DPP10: variants seen among roughly 807,000 people sequenced by gnomAD.
DPP10 encodes dipeptidyl peptidase like 10.
DPP10 carries 33 observed loss-of-function variants against 120.9 expected under a neutral mutation model. That is an observed-to-expected ratio of 0.27 (90% confidence interval 0.21 to 0.37). DPP10 has a LOEUF of 0.37. Ranked by LOEUF, DPP10 falls within the 10% of genes least tolerant of loss-of-function variation. The pLI, the probability that DPP10 is intolerant of heterozygous loss-of-function variation, is 1.00. For synonymous variants in DPP10, 337 were observed against 326.1 expected, an observed-to-expected ratio of 1.03 and a Z score of -0.36; for missense variants, 816 against 942.8, an observed-to-expected ratio of 0.87 and a Z score of 1.76.
At chr2:115,295,969 T>C (rs947857242) in intron 1 of DPP10, among the ~76,000 whole-genome samples, 1 of 152,146 alleles carries the variant, frequency 6.6e-6, no homozygotes, top group Non-Finnish European at 1.5e-5. Flanking sequence ...AATAAATAAA[T>C]GTGTGGAAAA....
At chr2:115,675,497 T>G (rs1330929433) in intron 5 of DPP10, among the ~76,000 whole-genome samples, 2 of 152,040 alleles carry the variant, frequency 1.3e-5, no homozygotes, top group Non-Finnish European at 2.9e-5. Flanking sequence ...AGCAAGGAAG[T>G]GATGAAGACC....
At chr2:114,523,899 G>A (rs1323888120) in intron 1 of DPP10, among the ~76,000 whole-genome samples, 1 of 152,154 alleles carries the variant, frequency 6.6e-6, no homozygotes, top group East Asian at 1.9e-4. Context: ...GGCAAGAACA[G>A]GAAGTGACAA....
chr2:115,067,911 G>GT (rs1307370837), intron 1 of DPP10, among the ~76,000 whole-genome samples: 2 of 143,296 alleles, frequency 1.4e-5, no homozygotes, highest in Non-Finnish European at 3.0e-5. Context: ...CTGTGTGGGT[G>GT]TGTGGGGGTG....
intron 1 of DPP10, among the ~76,000 whole-genome samples, chr2:114,817,292 A>C (rs1166063228): frequency 8.8e-6 from 1 of 113,914 alleles, no homozygotes; most frequent in Non-Finnish European, 1.8e-5. Flanking sequence ...GATATCAGCC[A>C]GTGTCCTGGC....
chr2:114,543,305 A>G (rs1687097579), intron 1 of DPP10, among the ~76,000 whole-genome samples: 1 of 152,190 alleles, frequency 6.6e-6, no homozygotes, highest in Middle Eastern at 3.2e-3. Context: ...TGCACATCTC[A>G]GCTCTCACCT....
At chr2:114,689,411 C>T (rs1383209315) in intron 1 of DPP10, among the ~76,000 whole-genome samples, 2 of 151,982 alleles carry the variant, frequency 1.3e-5, no homozygotes, top group African/African-American at 2.4e-5. Context: ...AGGACATGAT[C>T]TCATTCATTT....
chr2:115,295,203 A>C (rs2060831491), intron 1 of DPP10, among the ~76,000 whole-genome samples: 1 of 152,068 alleles, frequency 6.6e-6, no homozygotes, highest in Non-Finnish European at 1.5e-5. Context: ...TAATGAATGG[A>C]AACACTGACT....
At chr2:114,664,143 A>G (rs1012467851) in intron 1 of DPP10, among the ~76,000 whole-genome samples, 4 of 151,986 alleles carry the variant, frequency 2.6e-5, no homozygotes, top group African/African-American at 9.7e-5. Flanking sequence ...TCAATTATTC[A>G]TATTTTTGCA....
chr2:115,451,823 G>T (rs1008522580), intron 3 of DPP10, among the ~76,000 whole-genome samples: 5 of 151,914 alleles, frequency 3.3e-5, no homozygotes, highest in South Asian at 2.1e-4. Context: ...TAGAATAAAT[G>T]TAAGTTTTTT....
intron 1 of DPP10, among the ~76,000 whole-genome samples, chr2:114,781,940 T>A (rs1012801441): frequency 2.0e-5 from 3 of 152,278 alleles, no homozygotes; most frequent in Middle Eastern, 3.4e-3. Context: ...AAGGTGTTTT[T>A]TGTTTTTACA....
intron 1 of DPP10, among the ~76,000 whole-genome samples, chr2:115,288,586 T>C (rs2060502439): frequency 6.6e-6 from 1 of 151,210 alleles, no homozygotes; most frequent in Non-Finnish European, 1.5e-5. Flanking sequence ...CCAGGCCTGG[T>C]TGGGGGGGAG....
chr2:114,685,881 T>C (rs1405108070), intron 1 of DPP10, among the ~76,000 whole-genome samples: 2 of 151,988 alleles, frequency 1.3e-5, no homozygotes, highest in East Asian at 3.9e-4. Context: ...TCTAATGCAT[T>C]ATTCCCACAG....
chr2:114,448,165 G>T (rs753334627), intron 1 of DPP10, among the ~76,000 whole-genome samples: 9 of 151,972 alleles, frequency 5.9e-5, no homozygotes, highest in Non-Finnish European at 8.8e-5. Flanking sequence ...ACATTTTATA[G>T]CTTAGATCTT....
chr2:115,599,945 A>G (rs1179826317), intron 5 of DPP10, among the ~76,000 whole-genome samples: 1 of 152,018 alleles, frequency 6.6e-6, no homozygotes. Flanking sequence ...TCAACCAGGA[A>G]CTTACCTTGA....
At chr2:114,682,525 G>C (rs1256898109) in intron 1 of DPP10, among the ~76,000 whole-genome samples, 1 of 151,666 alleles carries the variant, frequency 6.6e-6, no homozygotes, top group Non-Finnish European at 1.5e-5. Context: ...CCCATAGCTA[G>C]AGATGTTGAC....
At chr2:114,518,024 T>C (rs1228801131) in intron 1 of DPP10, among the ~76,000 whole-genome samples, 1 of 152,092 alleles carries the variant, frequency 6.6e-6, no homozygotes, top group African/African-American at 2.4e-5. Context: ...TTTTCAAATT[T>C]GGTTTTAGGA....
intron 1 of DPP10, among the ~76,000 whole-genome samples, chr2:115,120,531 TA>T (rs1415255448): frequency 6.6e-6 from 1 of 152,148 alleles, no homozygotes; most frequent in African/African-American, 2.4e-5. Flanking sequence ...CTAGCATAGC[TA>T]GGGGGCATGC....
intron 19 of DPP10, among the ~76,000 whole-genome samples, chr2:115,793,981 G>A (rs557916500): frequency 6.6e-6 from 1 of 151,998 alleles, no homozygotes; most frequent in East Asian, 1.9e-4. Context: ...TGTTTTTTAA[G>A]AATTTTAAAA....
At position 114,521,676 on chromosome 2, in the gene DPP10, C is replaced by G. The variant is rs1685063532; in HGVS notation, c.60+78838C>G. Among the ~76,000 whole-genome samples, 2 of 152,062 alleles carry G rather than the reference C, an allele frequency of 1.3e-5. 1 individual carries two copies. Among genetic ancestry groups the G allele is most frequent in the South Asian group, 4.1e-4 (2 of 4,828 alleles). ...TTTAGGAAAATTTTATGTGAAACAT[C>G]TCCTGATGAATAGAAAGTCTGTGGC... On this transcript the variant is annotated intron_variant, in intron 1 of 25. Coordinates refer to ENST00000410059, the MANE Select transcript of DPP10 (RefSeq NM_020868.6).
Sources: allele counts gnomAD v4.1 joint callset (sites outside exome capture counted in the v4.1 genomes callset), GRCh38; gene constraint gnomAD v4.1.1; transcripts MANE v1.5; gene names NCBI Gene and HGNC (gene_info 2026-07-23, HGNC 2026-07-21).